The following MYRFL variants were observed in gnomAD, a reference collection of about 807,000 sequenced individuals.
The protein encoded by MYRFL is myelin regulatory factor-like protein.
MYRFL carries 88 observed loss-of-function variants against 109.4 expected under a neutral mutation model. That is an observed-to-expected ratio of 0.80 (90% confidence interval 0.68 to 0.96). MYRFL has a LOEUF of 0.96. Ranked by LOEUF, MYRFL falls within the 40% of genes least tolerant of loss-of-function variation. The pLI is 0.00. For missense variants in MYRFL, 957 were observed against 954.9 expected, an observed-to-expected ratio of 1.00 and a Z score of -0.03; for synonymous variants, 324 against 320.9, an observed-to-expected ratio of 1.01 and a Z score of -0.10.
intron 13 of MYRFL, 147 bp downstream of exon 13, chr12:69,911,077 A>C (rs1028798413): frequency 1.2e-5 from 6 of 481,660 alleles, no homozygotes; most frequent in Non-Finnish European, 2.2e-5. Context: ...GTAGGTATCA[A>C]CTCTCTTATA....
intron 1 of MYRFL, among the ~76,000 whole-genome samples, chr12:69,849,154 G>A (rs1002599966): frequency 3.9e-5 from 6 of 152,192 alleles, no homozygotes; most frequent in Non-Finnish European, 5.9e-5. Flanking sequence ...TTACAGGCGC[G>A]AGCCATTGCG....
intron 10 of MYRFL, among the ~76,000 whole-genome samples, chr12:69,898,652 G>A (rs1954083147): frequency 6.6e-6 from 1 of 152,222 alleles, no homozygotes; most frequent in African/African-American, 2.4e-5. Flanking sequence ...AATAGAGACA[G>A]ATAATGCCAT....
intron 1 of MYRFL, among the ~76,000 whole-genome samples, chr12:69,846,519 C>T (rs939228365): frequency 8.5e-5 from 13 of 152,050 alleles, no homozygotes; most frequent in Non-Finnish European, 1.8e-4. Context: ...CTACAAAGGA[C>T]ATGAACTCAT....
intron 1 of MYRFL, among the ~76,000 whole-genome samples, chr12:69,837,382 G>A (rs914324234): frequency 2.0e-5 from 3 of 151,946 alleles, no homozygotes; most frequent in Non-Finnish European, 1.5e-5. Flanking sequence ...CCATCTTTTC[G>A]GACTTTGCCT....
chr12:69,866,281 C>A lies in MYRFL; in HGVS notation c.137+10911C>A, dbSNP rs529375135. Among the ~76,000 whole-genome samples, 574 of 152,056 alleles carry A rather than the reference C, an allele frequency of 3.8e-3. 2 individuals carry two copies. Among genetic ancestry groups the A allele is most frequent in the Non-Finnish European group, 6.4e-3 (432 of 67,994 alleles). ...AAAGGAGAGCCCTATGATCAGATAA[C>A]CTATACTTGATTAAAAAAATGCTCA... is the stretch of plus-strand genomic sequence containing the variant. On this transcript the variant is annotated intron_variant, in intron 2 of 24. Transcript: ENST00000552032.
chr12:69,833,969 A>G (rs972762382), intron 1 of MYRFL, among the ~76,000 whole-genome samples: 3 of 152,084 alleles, frequency 2.0e-5, no homozygotes, highest in African/African-American at 7.2e-5. Flanking sequence ...AGTGGTAAAA[A>G]GGTAATGGTT....
chr12:69,957,982 G>C, intron 23 of MYRFL, 40 bp downstream of exon 23: 2 of 1,510,356 alleles, frequency 1.3e-6, no homozygotes, highest in Non-Finnish European at 1.8e-6. Flanking sequence ...CTGAGAGAGG[G>C]ATACATTGAG....
At chr12:69,939,833 C>G (rs1485422587) in intron 19 of MYRFL, among the ~76,000 whole-genome samples, 2 of 151,982 alleles carry the variant, frequency 1.3e-5, no homozygotes, top group Non-Finnish European at 2.9e-5. Flanking sequence ...ATAACCAATA[C>G]AGAGAAGTGC....
At chr12:69,830,984 A>G (rs748881166) in intron 1 of MYRFL, among the ~76,000 whole-genome samples, 1 of 152,200 alleles carries the variant, frequency 6.6e-6, no homozygotes, top group Non-Finnish European at 1.5e-5. Context: ...GAAGCTAAAC[A>G]TTCAATACAT....
intron 2 of MYRFL, 29 bp from the exon 3 acceptor site, chr12:69,878,999 A>G: frequency 2.8e-6 from 2 of 702,858 alleles, no homozygotes; most frequent in South Asian, 3.0e-5. Context: ...GAGTGAAACA[A>G]AAACGCAATG....
rs367908945 is a variant in MYRFL at position 69,946,788 on chromosome 12, T to C, written c.2225-5325T>C. 8.5e-5 allele frequency: 13 copies of C among 152,346 alleles called. No individual in the cohort carries two copies. The East Asian group carries it at 9.6e-4, about 11-fold the overall frequency. The allele number at this position is 152,346 out of a possible 1,614,324, so 9.4% of individuals were successfully genotyped here. On this transcript the variant is annotated intron_variant, in intron 19 of 24. Coordinates refer to ENST00000552032, the MANE Select transcript of MYRFL (RefSeq NM_182530.3). ...CTGGACCTTGCTTAAGATTCCTCAG[T>C]TGAGTTTCTAGAAAAGTTGGAATTG... is the stretch of plus-strand genomic sequence containing the variant.
chr12:69,894,943 C>T (rs1196527173), intron 8 of MYRFL, among the ~76,000 whole-genome samples: 1 of 152,254 alleles, frequency 6.6e-6, no homozygotes, highest in African/African-American at 2.4e-5. Context: ...CTGCCTCCCA[C>T]TGCTAGGCTA....
chr12:69,951,488 C>T (rs143839092), intron 19 of MYRFL, among the ~76,000 whole-genome samples: 2,462 of 139,738 alleles, frequency 0.018, 36 homozygotes, highest in Middle Eastern at 0.047. Flanking sequence ...AGTGCAATGG[C>T]GCAATCTCGG....
chr12:69,849,056 G>C (rs1426238302), intron 1 of MYRFL, among the ~76,000 whole-genome samples: 1 of 152,164 alleles, frequency 6.6e-6, no homozygotes, highest in Non-Finnish European at 1.5e-5. Context: ...ATTTTTAGTA[G>C]AGACAGGGTT....
At chr12:69,939,744 T>C (rs1434901067) in intron 19 of MYRFL, among the ~76,000 whole-genome samples, 2 of 151,660 alleles carry the variant, frequency 1.3e-5, no homozygotes, top group Non-Finnish European at 3.0e-5. Flanking sequence ...CAAATTACTC[T>C]GAGCTACGGG....
intron 19 of MYRFL, among the ~76,000 whole-genome samples, chr12:69,949,330 C>T (rs1286572580): frequency 6.6e-6 from 1 of 151,968 alleles, no homozygotes; most frequent in Non-Finnish European, 1.5e-5. Flanking sequence ...CTTTCACTAT[C>T]TACTTTAAAA....
At chr12:69,921,993 T>A (rs1220576297) in intron 13 of MYRFL, among the ~76,000 whole-genome samples, 1 of 152,054 alleles carries the variant, frequency 6.6e-6, no homozygotes, top group East Asian at 1.9e-4. Context: ...AATTTTTTTT[T>A]AAAGAAGGAG....
At chr12:69,865,236 G>T (rs1353593755) in intron 2 of MYRFL, among the ~76,000 whole-genome samples, 1 of 152,186 alleles carries the variant, frequency 6.6e-6, no homozygotes, top group African/African-American at 2.4e-5. Context: ...TTATTTTTAT[G>T]CTTGGGTTCA....
Position 69,903,714 on chromosome 12 carries a change from T to C in MYRFL, c.1253T>C (p.Ile418Thr), listed in dbSNP as rs1333340036. The change falls in exon 11 of 25, where the codon ATT (isoleucine) becomes ACT (threonine). Residue 418 changes from isoleucine (I) to threonine (T), a missense_variant. Physicochemically the swap from Ile to Thr is moderately conservative, Grantham distance 89. Transcript: ENST00000552032. The stretch of plus-strand genomic sequence containing the variant: ...CAGCGAGGACAAGTTCCAGAATCTA[T>C]TGTCTGTCACGGTCGAGTAGGAATC... ...LWQRGQVPES[I>T]VCHGRVGINT... 3.1e-5 allele frequency: 47 copies of C among 1,535,782 alleles called. No individual in the cohort carries two copies. The highest frequency in any genetic ancestry group is 3.9e-5 in the Non-Finnish European group (45 of 1,146,736).
Sources: gnomAD v4.1 joint callset for allele counts (sites outside exome capture counted in the v4.1 genomes callset) on GRCh38, gnomAD v4.1.1 for gene constraint, MANE v1.5 for transcripts, NCBI Gene and HGNC (gene_info 2026-07-23, HGNC 2026-07-21) for gene names.